RAI1: variants seen among roughly 807,000 people sequenced by gnomAD.
RAI1 encodes retinoic acid induced 1, also known as retinoic acid-induced protein 1.
Under a neutral mutation model 123.8 loss-of-function variants are expected in RAI1, and 9 were observed. That is an observed-to-expected ratio of 0.07 (90% CI 0.04 to 0.13). The LOEUF (loss-of-function observed/expected upper bound fraction) is 0.13, where lower values mean the gene tolerates loss of function less well. RAI1 is among the 10% of genes least tolerant of loss of function. The probability of loss-of-function intolerance (pLI) is 1.00; values close to 1 mark genes in which losing one functional copy is unlikely to be tolerated. For missense variants in RAI1, 2,256 were observed against 2,545.8 expected (o/e 0.89, Z 2.45); for synonymous variants, 1,231 against 1,127.3 (o/e 1.09, Z -1.84).
At chr17:17,761,577 G>A (rs1051031768) in intron 2 of RAI1, among the ~76,000 whole-genome samples, 2 of 152,216 alleles carry the variant, frequency 1.3e-5, no homozygotes, top group African/African-American at 2.4e-5. Context: ...TGAGATTTGA[G>A]AGGAGGTGAT....
intron 1 of RAI1, among the ~76,000 whole-genome samples, chr17:17,692,432 T>C (rs1035977046): frequency 6.6e-6 from 1 of 152,218 alleles, no homozygotes; most frequent in Non-Finnish European, 1.5e-5. Context: ...TGGTCCTCGC[T>C]AAGTCTTATT....
chr17:17,769,656 G>A (rs1432192598), intron 2 of RAI1, among the ~76,000 whole-genome samples: 1 of 149,462 alleles, frequency 6.7e-6, no homozygotes, highest in South Asian at 2.1e-4. Context: ...AGGATGGGGA[G>A]GGGGCCAGAT....
At chr17:17,767,520 G>A (rs542460253) in intron 2 of RAI1, among the ~76,000 whole-genome samples, 24 of 152,300 alleles carry the variant, frequency 1.6e-4, no homozygotes, top group Middle Eastern at 3.4e-3. Flanking sequence ...CACCCAGTTT[G>A]TTTAAGAAAA....
At position 17,811,079 on chromosome 17, in the gene RAI1, C is replaced by T. The variant is rs1232494271; in HGVS notation, c.*1098C>T. 3.4e-6 allele frequency: 1 copy of T among 297,464 alleles called. No homozygotes were observed. Among genetic ancestry groups the T allele is most frequent in the Non-Finnish European group, 6.7e-6 (1 of 149,776 alleles). The allele number at this position is 297,464 out of a possible 1,614,324, so 18.4% of individuals were successfully genotyped here. On this transcript the variant is annotated 3_prime_UTR_variant, in exon 6 of 6. Transcript: ENST00000353383. Reference sequence around the variant, plus strand: ...AGCCACCACCGGCCCGGGCCAGTCCCTGCCAGTCCGTCCGCCTGTCCGTCC... The same window carrying T: ...AGCCACCACCGGCCCGGGCCAGTCCTTGCCAGTCCGTCCGCCTGTCCGTCC...
Position 17,762,609 on chromosome 17 carries a change from C to G in RAI1, c.-16-30324C>G, listed in dbSNP as rs765491270. On this transcript the variant is annotated intron_variant, in intron 2 of 5. Transcript: ENST00000353383. ...TCTGGGCTTCCAGAGTCTGTGGCAA[C>G]ACAGAGGAAAGTGAGGTGCTTGCTC... Among the ~76,000 whole-genome samples, 14 of 152,320 alleles carry G rather than the reference C, an allele frequency of 9.2e-5. 1 individual carries two copies. Among genetic ancestry groups the G allele is most frequent in the South Asian group, 8.3e-4 (4 of 4,828 alleles).
At chr17:17,785,834 G>T (rs2031808378) in intron 2 of RAI1, among the ~76,000 whole-genome samples, 1 of 152,182 alleles carries the variant, frequency 6.6e-6, no homozygotes, top group Non-Finnish European at 1.5e-5. Flanking sequence ...CCTGCTCTGG[G>T]TGCCATCGAG....
Position 17,796,674 on chromosome 17 carries a change from GAGCCGCAGC to G in RAI1, c.3730_3738del (p.Arg1244_Ser1246del). The G allele has an allele frequency of 6.2e-7, 1 of 1,612,954 alleles. No homozygotes were observed. Among genetic ancestry groups the G allele is most frequent in the Non-Finnish European group, 8.5e-7 (1 of 1,179,688 alleles). ...CCAAGAAGCGGAACCTGGTCTTGCG[GAGCCGCAGC>G]AGCAGCAGCAGCAACGCCAGTGGCA... is the stretch of plus-strand genomic sequence containing the variant. On this transcript the variant is annotated inframe_deletion, in exon 3 of 6. Transcript: ENST00000353383. This position sits in a 1 kb window ranked among gnomAD's most constrained non-coding sequence, Gnocchi z 5.8.
intron 1 of RAI1, among the ~76,000 whole-genome samples, chr17:17,719,851 G>C (rs1056271030): frequency 6.6e-6 from 1 of 152,180 alleles, no homozygotes; most frequent in African/African-American, 2.4e-5. Context: ...TGATGGGGCG[G>C]GGGGAGATAC....
chr17:17,792,981 T>C lies in RAI1; in HGVS notation c.33T>C (p.His11=). 1 of 1,487,026 alleles carries C rather than the reference T, an allele frequency of 6.7e-7. No individual in the cohort carries two copies. Among genetic ancestry groups the C allele is most frequent in the Non-Finnish European group, 9.1e-7 (1 of 1,097,154 alleles). The allele number at this position is 1,487,026 out of a possible 1,614,324, so 92.1% of individuals were successfully genotyped here. The change falls in exon 3 of 6, where the codon CAT becomes CAC. Residue 11 remains histidine, a synonymous_variant. Transcript: ENST00000353383. ...CTTTTCGAGAAAGGTGTGGTTTCCA[T>C]GGCAAACAACAGAACTACCAGCAGA... MQSFRERCGF[H]GKQQNYQQTS...
Position 17,801,947 on chromosome 17 carries a change from A to G in RAI1, c.5566-1809A>G, listed in dbSNP as rs1306273333. Reference sequence around the variant, plus strand: ...AGGCTTCCAGCCATGCCTGGCACATAGGAAGCTATTGTCGTTTGTTTCACT... The same window carrying G: ...AGGCTTCCAGCCATGCCTGGCACATGGGAAGCTATTGTCGTTTGTTTCACT... On this transcript the variant is annotated intron_variant, in intron 3 of 5. Coordinates refer to ENST00000353383, the MANE Select transcript of RAI1 (RefSeq NM_030665.4). The surrounding 1 kb of genome is among the most constrained non-coding windows in gnomAD (Gnocchi z 4.1). 4.9e-6 allele frequency: 2 copies of G among 409,214 alleles called. No homozygotes were observed. Among genetic ancestry groups the G allele is most frequent in the African/African-American group, 2.0e-5 (1 of 48,790 alleles). The allele number at this position is 409,214 out of a possible 1,614,324, so 25.3% of individuals were successfully genotyped here.
intron 2 of RAI1, among the ~76,000 whole-genome samples, chr17:17,757,140 C>T (rs570585136): frequency 4.7e-4 from 72 of 152,210 alleles, no homozygotes; most frequent in Middle Eastern, 3.4e-3. Context: ...CTCTTGGCTC[C>T]CTGAGGCAGG....
intron 2 of RAI1, among the ~76,000 whole-genome samples, chr17:17,725,858 G>T (rs2142936619): frequency 6.6e-6 from 1 of 151,890 alleles, no homozygotes; most frequent in Non-Finnish European, 1.5e-5. Context: ...GGCACCTTTT[G>T]AGAGGGAGGG....
At chr17:17,724,344 G>GT (rs1202897477) in intron 2 of RAI1, among the ~76,000 whole-genome samples, 185 bp downstream of exon 2, 1 of 149,560 alleles carries the variant, frequency 6.7e-6, no homozygotes, top group Non-Finnish European at 1.5e-5. Flanking sequence ...GGATTTGCAT[G>GT]TTTGGGGGTT....
In RAI1 at chr17:17,795,394, G is replaced by T; in HGVS notation, c.2446G>T (p.Gly816Cys). ...LPGDFKQEEV[G>C]GVKEEAGGLL... ...CGGGGACTTCAAGCAGGAGGAGGTG[G>T]GTGGGGTGAAGGAGGAGGCAGGTGG... The change falls in exon 3 of 6, where the codon GGT becomes TGT. Residue 816 changes from glycine (G) to cysteine (C), a missense_variant. Physicochemically the swap from Gly to Cys is radical, Grantham distance 159 (BLOSUM62 -3). Transcript: ENST00000353383. This position sits in a 1 kb window ranked among gnomAD's most constrained non-coding sequence, Gnocchi z 5.9. 14 of 1,592,900 alleles carry T rather than the reference G, an allele frequency of 8.8e-6. No homozygotes were observed. The highest frequency in any genetic ancestry group is 1.2e-5 in the Non-Finnish European group (14 of 1,167,458).
intron 4 of RAI1, among the ~76,000 whole-genome samples, chr17:17,805,169 C>T (rs1377502489): frequency 2.6e-5 from 4 of 152,100 alleles, no homozygotes; most frequent in African/African-American, 7.2e-5. Flanking sequence ...CCCCTAGTAG[C>T]GTTTTTAATG....
At chr17:17,804,794 G>A (rs927826260) in intron 4 of RAI1, among the ~76,000 whole-genome samples, 3 of 152,176 alleles carry the variant, frequency 2.0e-5, no homozygotes, top group Non-Finnish European at 4.4e-5. Flanking sequence ...GAGCAGCTGA[G>A]ACCACAGATG....
chr17:17,757,403 C>A (rs1421808847), intron 2 of RAI1, among the ~76,000 whole-genome samples: 2 of 152,186 alleles, frequency 1.3e-5, no homozygotes. Context: ...GGCAGCAACC[C>A]TTCTACAGAC....
rs1426714562 is a variant in RAI1, at chr17:17,793,569, C to T, written c.621C>T (p.Thr207=). The change falls in exon 3 of 6, where the codon ACC becomes ACT. Residue 207 remains threonine (T), a synonymous_variant. Transcript: ENST00000353383. Reference sequence around the variant, plus strand: ...CCCCTCTGCCCTTCCCCCAGGGTACCCACTTTCCTCAGCATTCCCAGTCCT... The same window carrying T: ...CCCCTCTGCCCTTCCCCCAGGGTACTCACTTTCCTCAGCATTCCCAGTCCT... ...IASPLPFPQG[T]HFPQHSQSFP... The T allele has an allele frequency of 1.9e-6, 3 of 1,613,806 alleles. No homozygotes were observed. Among genetic ancestry groups the T allele is most frequent in the South Asian group, 1.1e-5 (1 of 91,090 alleles).
At chr17:17,725,244 G>A (rs1287568764) in intron 2 of RAI1, among the ~76,000 whole-genome samples, 1 of 152,160 alleles carries the variant, frequency 6.6e-6, no homozygotes, top group African/African-American at 2.4e-5. Context: ...CACGTCGAGG[G>A]CCCCTCCAAC....
Sources: gnomAD v4.1 joint callset for allele counts (sites outside exome capture counted in the v4.1 genomes callset) on GRCh38, gnomAD v4.1.1 for gene constraint, Gnocchi (gnomAD v3.1) non-coding constraint, MANE v1.5 for transcripts, NCBI Gene and HGNC (gene_info 2026-07-23, HGNC 2026-07-21) for gene names.